The following SHISA9 variants were observed in gnomAD, a reference collection of about 807,000 sequenced individuals.
SHISA9 encodes the protein protein shisa-9.
A neutral mutation model predicts 38.0 loss-of-function variants in SHISA9; 13 were observed. The observed-to-expected ratio is 0.34, with a 90% confidence interval of 0.22 to 0.54. The LOEUF is 0.54. Among genes scored for constraint, SHISA9 ranks in the 20% least tolerant of loss-of-function variants. The pLI, the probability that SHISA9 is intolerant of heterozygous loss-of-function variation, is 0.91. For synonymous variants in SHISA9, 275 were observed against 242.0 expected (o/e 1.14, Z -1.27); for missense variants, 538 against 575.8 (o/e 0.93, Z 0.67).
chr16:13,547,907 AAAC>A, the SHISA9 span, among the ~76,000 whole-genome samples: 1 of 152,228 alleles, frequency 6.6e-6, no homozygotes, highest in South Asian at 2.1e-4. Context: ...AGAATAGAGA[AAAC>A]AATTTTGAGC....
At chr16:13,171,094 C>A (rs1475344044) in intron 2 of SHISA9, among the ~76,000 whole-genome samples, 1 of 152,174 alleles carries the variant, frequency 6.6e-6, no homozygotes, top group Non-Finnish European at 1.5e-5. Context: ...CCAATCACGG[C>A]CAAAATTGAA....
At chr16:13,247,855 T>A in the SHISA9 span, among the ~76,000 whole-genome samples, 1 of 152,270 alleles carries the variant, frequency 6.6e-6, no homozygotes, top group African/African-American at 2.4e-5. Flanking sequence ...AACTCATTTT[T>A]AAAAATCTCA....
At chr16:13,164,880 T>G (rs2050623098) in intron 2 of SHISA9, among the ~76,000 whole-genome samples, 1 of 152,192 alleles carries the variant, frequency 6.6e-6, no homozygotes, top group African/African-American at 2.4e-5. Context: ...GATTGAGATT[T>G]TATTCTATGG....
At chr16:13,500,427 G>T in the SHISA9 span, among the ~76,000 whole-genome samples, 1 of 152,152 alleles carries the variant, frequency 6.6e-6, no homozygotes, top group East Asian at 1.9e-4. Flanking sequence ...AATGTACACA[G>T]CCCCATGGGG....
chr16:13,209,559 A>G (rs888322678), intron 3 of SHISA9, among the ~76,000 whole-genome samples: 1 of 152,232 alleles, frequency 6.6e-6, no homozygotes, highest in African/African-American at 2.4e-5. Context: ...AATACAATCC[A>G]TCAGGGAACT....
chr16:13,094,089 C>T (rs976094250), intron 2 of SHISA9, among the ~76,000 whole-genome samples: 1 of 152,124 alleles, frequency 6.6e-6, no homozygotes, highest in African/African-American at 2.4e-5. Context: ...TCCATTCTCT[C>T]TTTGTCCTTT....
chr16:13,158,583 A>G (rs2050567459), intron 2 of SHISA9, among the ~76,000 whole-genome samples: 1 of 152,140 alleles, frequency 6.6e-6, no homozygotes, highest in Admixed American at 6.5e-5. Flanking sequence ...CCAGCTCCCA[A>G]TTCAAAGACA....
chr16:12,907,866 T>C (rs2141708985), intron 1 of SHISA9, among the ~76,000 whole-genome samples: 1 of 152,278 alleles, frequency 6.6e-6, no homozygotes, highest in South Asian at 2.1e-4. Context: ...ACTGCCCCCT[T>C]CAGGAAGCTC....
intron 2 of SHISA9, among the ~76,000 whole-genome samples, chr16:13,031,772 A>G (rs916038555): frequency 3.3e-5 from 5 of 152,242 alleles, no homozygotes; most frequent in Admixed American, 1.3e-4. Context: ...ATGAATTTGC[A>G]CAAGTGAGAT....
At chr16:13,027,900 C>T (rs1265950926) in intron 2 of SHISA9, among the ~76,000 whole-genome samples, 1 of 127,820 alleles carries the variant, frequency 7.8e-6, no homozygotes, top group African/African-American at 3.1e-5. Flanking sequence ...GCACTCTGGC[C>T]TGGGTGACTA....
intron 2 of SHISA9, among the ~76,000 whole-genome samples, chr16:13,019,884 C>CTTCTTTCTTTCT (rs1166778591): frequency 3.3e-4 from 7 of 20,916 alleles, no homozygotes; most frequent in African/African-American, 7.3e-4. Context: ...CCCTCCCTCC[C>CTTCTTTCTTTCT]TTCTTTCTTT....
the SHISA9 span, among the ~76,000 whole-genome samples, chr16:13,525,671 TTATTA>T: frequency 6.6e-6 from 1 of 152,256 alleles, no homozygotes; most frequent in East Asian, 1.9e-4. Flanking sequence ...ATTATCTACT[TTATTA>T]TAAGAAATAT....
the SHISA9 span, among the ~76,000 whole-genome samples, chr16:13,356,505 CGGAACG>C: frequency 6.6e-6 from 1 of 152,034 alleles, no homozygotes; most frequent in Admixed American, 6.6e-5. Context: ...GGGCTAGTCA[CGGAACG>C]AAACGGTAAG....
chr16:13,204,135 TA>T (rs2051037185), intron 3 of SHISA9, among the ~76,000 whole-genome samples: 1 of 16,402 alleles, frequency 6.1e-5, no homozygotes, highest in Non-Finnish European at 1.4e-4. Context: ...AACTACCTAT[TA>T]TCTATCTATC....
the SHISA9 span, among the ~76,000 whole-genome samples, chr16:13,371,311 T>A: frequency 6.6e-6 from 1 of 152,226 alleles, no homozygotes; most frequent in African/African-American, 2.4e-5. Context: ...ATGTCCCTGC[T>A]CACCCCCATA....
the SHISA9 span, among the ~76,000 whole-genome samples, chr16:13,382,787 G>C: frequency 7.9e-5 from 12 of 151,144 alleles, no homozygotes; most frequent in African/African-American, 2.7e-4. Context: ...GAACCCAGGA[G>C]GCAGAAGCTG....
chr16:13,055,721 AAC>A (rs528769495), intron 2 of SHISA9, among the ~76,000 whole-genome samples: 5 of 152,182 alleles, frequency 3.3e-5, no homozygotes, highest in African/African-American at 4.8e-5. Context: ...CACCCAGGGA[AAC>A]ACTAAAATGC....
At chr16:13,020,370 C>G (rs898748854) in intron 2 of SHISA9, among the ~76,000 whole-genome samples, 4 of 152,022 alleles carry the variant, frequency 2.6e-5, no homozygotes, top group African/African-American at 9.7e-5. Flanking sequence ...TGACCCTCAC[C>G]CTCCAAAAGG....
chr16:13,075,555 C>T (rs546353386), intron 2 of SHISA9, among the ~76,000 whole-genome samples: 1 of 152,292 alleles, frequency 6.6e-6, no homozygotes, highest in South Asian at 2.1e-4. Flanking sequence ...CCAGGGGATC[C>T]TTCTCGTTCT....
Sources: gnomAD v4.1 joint callset for allele counts (sites outside exome capture counted in the v4.1 genomes callset) on GRCh38, gnomAD v4.1.1 for gene constraint, MANE v1.5 for transcripts, NCBI Gene and HGNC (gene_info 2026-07-23, HGNC 2026-07-21) for gene names.